CEP83: variants seen among roughly 807,000 people sequenced by gnomAD.
CEP83 encodes the protein centrosomal protein 83, also known as centrosomal protein of 83 kDa.
Under a neutral mutation model 101.9 loss-of-function variants are expected in CEP83, and 70 were observed. The ratio of observed to expected loss-of-function variants is 0.69; its 90% CI spans 0.57 to 0.84. The LOEUF is 0.84. Among genes scored for constraint, CEP83 ranks in the 40% least tolerant of loss-of-function variants. The pLI, the probability that CEP83 is intolerant of heterozygous loss-of-function variation, is 0.00. For synonymous variants in CEP83, 264 were observed against 267.9 expected, an observed-to-expected ratio of 0.99 and a Z score of 0.14; for missense variants, 715 against 787.2, an observed-to-expected ratio of 0.91 and a Z score of 1.10.
chr12:94,361,733 C>T (rs936196855), intron 11 of CEP83, among the ~76,000 whole-genome samples: 70 of 151,578 alleles, frequency 4.6e-4, no homozygotes, highest in Non-Finnish European at 9.0e-4. Flanking sequence ...CAGAGTTTCG[C>T]TCTTTTTGCC....
At chr12:94,380,792 C>G (rs2061807053) in intron 6 of CEP83, among the ~76,000 whole-genome samples, 1 of 152,112 alleles carries the variant, frequency 6.6e-6, no homozygotes, top group Non-Finnish European at 1.5e-5. Context: ...TTGTAGTCCC[C>G]ATTTTACACA....
intron 14 of CEP83, among the ~76,000 whole-genome samples, chr12:94,325,484 A>G (rs975615275): frequency 8.6e-5 from 13 of 151,954 alleles, no homozygotes; most frequent in Non-Finnish European, 1.8e-4. Flanking sequence ...ACTCCTGTCA[A>G]TTTTCCTCTT....
At chr12:94,423,234 G>A (rs2064906075) in intron 2 of CEP83, among the ~76,000 whole-genome samples, 1 of 152,098 alleles carries the variant, frequency 6.6e-6, no homozygotes, top group Non-Finnish European at 1.5e-5. Context: ...ACAGGCATGT[G>A]CCAGCACACC....
At chr12:94,298,319 C>T in the CEP83 span, among the ~76,000 whole-genome samples, 31 of 152,196 alleles carry the variant, frequency 2.0e-4, no homozygotes, top group African/African-American at 7.2e-4. Context: ...TCCATGGCTT[C>T]CTGGTTTATG....
intron 11 of CEP83, among the ~76,000 whole-genome samples, chr12:94,366,795 G>C (rs1479937831): frequency 1.3e-5 from 2 of 152,084 alleles, no homozygotes; most frequent in Non-Finnish European, 2.9e-5. Context: ...TTTAATTCCA[G>C]GGCTGGGGCA....
the CEP83 span, among the ~76,000 whole-genome samples, chr12:94,289,174 G>T: frequency 6.6e-6 from 1 of 151,992 alleles, no homozygotes; most frequent in Non-Finnish European, 1.5e-5. Context: ...ACCTTCACTT[G>T]CAAGTGGTTT....
At chr12:94,447,903 A>T (rs2066924931) in intron 1 of CEP83, among the ~76,000 whole-genome samples, 1 of 152,144 alleles carries the variant, frequency 6.6e-6, no homozygotes, top group African/African-American at 2.4e-5. Context: ...AAGAGGAAAA[A>T]GCAAAAAACA....
At chr12:94,364,934 T>G (rs981748728) in intron 11 of CEP83, among the ~76,000 whole-genome samples, 1 of 152,108 alleles carries the variant, frequency 6.6e-6, no homozygotes, top group African/African-American at 2.4e-5. Flanking sequence ...AGAAGTGAAT[T>G]CCTCTTTAAC....
intron 2 of CEP83, among the ~76,000 whole-genome samples, chr12:94,426,489 T>G (rs538015679): frequency 6.6e-6 from 1 of 152,274 alleles, no homozygotes; most frequent in South Asian, 2.1e-4. Context: ...AGGCACATAT[T>G]AAGAGCTCAA....
Position 94,411,694 on chromosome 12 carries a change from C to A in CEP83, c.324+3G>T, listed in dbSNP as rs769341934. 1 of 1,591,696 alleles carries A rather than the reference C, an allele frequency of 6.3e-7. No individual in the cohort carries two copies. Among genetic ancestry groups the A allele is most frequent in the Non-Finnish European group, 8.5e-7 (1 of 1,169,772 alleles). On this transcript the variant is annotated splice_donor_region_variant and intron_variant, in intron 4 of 16. Transcript: ENST00000397809. ...AACTCAAAACTCAAATATATTTTCTCACCTGCAGTTTCATTTCTTCTAAAT... is the reference window on the plus strand; with the variant it reads ...AACTCAAAACTCAAATATATTTTCTAACCTGCAGTTTCATTTCTTCTAAAT...
the CEP83 span, among the ~76,000 whole-genome samples, chr12:94,284,038 G>A: frequency 6.7e-6 from 1 of 149,838 alleles, no homozygotes; most frequent in African/African-American, 2.5e-5. Flanking sequence ...AGCTGAGATG[G>A]TGCCATGGCA....
At chr12:94,331,643 A>T in intron 14 of CEP83, 57 bp downstream of exon 14, 1 of 1,555,346 alleles carries the variant, frequency 6.4e-7, no homozygotes, top group Non-Finnish European at 8.8e-7. Flanking sequence ...AAGTGCTGGG[A>T]TTACAGGTGT....
At chr12:94,395,057 G>A (rs967973115) in intron 6 of CEP83, among the ~76,000 whole-genome samples, 3 of 152,204 alleles carry the variant, frequency 2.0e-5, no homozygotes, top group African/African-American at 4.8e-5. Flanking sequence ...GTGGAAGACA[G>A]TGTGGCAATC....
In CEP83 at chr12:94,382,142, G is replaced by C. The variant is rs1429536329; in HGVS notation, c.550-3100C>G. On this transcript the variant is annotated intron_variant, in intron 6 of 16. Coordinates refer to ENST00000397809, the MANE Select transcript of CEP83 (RefSeq NM_016122.3). ...TTCATCTGCATTGTCAAATTTATTAGAGTAGAGTTGTTCAAAGGATTATCT... is the reference window on the plus strand; with the variant it reads ...TTCATCTGCATTGTCAAATTTATTACAGTAGAGTTGTTCAAAGGATTATCT... Among the ~76,000 whole-genome samples, 6 of 152,018 alleles carry C rather than the reference G, an allele frequency of 3.9e-5. No individual in the cohort carries two copies. In the East Asian group the frequency reaches 9.7e-4, roughly 24 times the overall value.
chr12:94,323,148 C>T (rs1196953558), intron 14 of CEP83, among the ~76,000 whole-genome samples: 3 of 152,156 alleles, frequency 2.0e-5, no homozygotes, highest in Non-Finnish European at 4.4e-5. Flanking sequence ...GGTAGTGGGG[C>T]CTGCAGACTG....
In CEP83 at chr12:94,308,580, A is replaced by C; in HGVS notation, c.*233T>G. The C allele has an allele frequency of 3.3e-6, 1 of 302,234 alleles. No homozygotes were observed. The highest frequency in any genetic ancestry group is 6.1e-6 in the Non-Finnish European group (1 of 163,874). The allele number at this position is 302,234 out of a possible 1,614,324, so 18.7% of individuals were successfully genotyped here. A position where few individuals can be genotyped will look rare whatever the true frequency, so the allele number is the denominator to read the frequency against. On this transcript the variant is annotated 3_prime_UTR_variant, in exon 17 of 17. Coordinates refer to ENST00000397809, the MANE Select transcript of CEP83 (RefSeq NM_016122.3). Reference sequence around the variant, plus strand: ...AGTTCCTTTTTGTTTTACATTCTCAAACCATTGTCAAATATTCTAAATATC... The same window carrying C: ...AGTTCCTTTTTGTTTTACATTCTCACACCATTGTCAAATATTCTAAATATC...
At position 94,375,871 on chromosome 12, in the gene CEP83, C is replaced by A; in HGVS notation, c.933+15G>T. ...AACATTCTAAAGAATGAAACAGAAA[C>A]ATAAAACAACTTACTTTACTGGACA... On this transcript the variant is annotated intron_variant, in intron 8 of 16. Coordinates refer to ENST00000397809, the MANE Select transcript of CEP83 (RefSeq NM_016122.3). 7.3e-7 allele frequency: 1 copy of A among 1,371,410 alleles called. No homozygotes were observed. The allele number at this position is 1,371,410 out of a possible 1,614,324, so 85.0% of individuals were successfully genotyped here. A position where few individuals can be genotyped will look rare whatever the true frequency, so the allele number is the denominator to read the frequency against.
chr12:94,435,184 AG>A (rs1441182273), intron 2 of CEP83, 90 bp downstream of exon 2: 1 of 152,222 alleles, frequency 6.6e-6, no homozygotes, highest in Non-Finnish European at 1.5e-5. Flanking sequence ...TCTCTATAAC[AG>A]AAGCTCAAAG....
At position 94,432,029 on chromosome 12, in the gene CEP83, A is replaced by G. The variant is rs371631962; in HGVS notation, c.-102+3246T>C. Among the ~76,000 whole-genome samples the G allele has an allele frequency of 1.8e-4, 27 of 152,256 alleles. No individual in the cohort carries two copies. In the East Asian group the frequency reaches 2.5e-3, roughly 14 times the overall value. On this transcript the variant is annotated intron_variant, in intron 2 of 16. Coordinates refer to ENST00000397809, the MANE Select transcript of CEP83 (RefSeq NM_016122.3). ...ACAATAGCAAAGATACAGAATCGAC[A>G]TAAGTGTCCATTAATGGATTAACTT...
Sources: allele counts gnomAD v4.1 joint callset (sites outside exome capture counted in the v4.1 genomes callset), GRCh38; gene constraint gnomAD v4.1.1; transcripts MANE v1.5; gene names NCBI Gene and HGNC (gene_info 2026-07-23, HGNC 2026-07-21).